Variants in USH2A observed in about 807,000 individuals in gnomAD.
USH2A encodes the protein Usher syndrome 2A (autosomal recessive, mild).
Under a neutral mutation model 538.9 loss-of-function variants are expected in USH2A, and 443 were observed. That is an observed-to-expected ratio of 0.82 (90% CI 0.76 to 0.89). The LOEUF (loss-of-function observed/expected upper bound fraction) is 0.89. Among genes scored for constraint, USH2A ranks in the 40% least tolerant of loss-of-function variants. The probability of loss-of-function intolerance (pLI) is 0.00; values close to 1 mark genes in which losing one functional copy is unlikely to be tolerated. For synonymous variants in USH2A, 2,413 were observed against 2,273.5 expected, an observed-to-expected ratio of 1.06 and a Z score of -1.75; for missense variants, 6,633 against 6,324.8, an observed-to-expected ratio of 1.05 and a Z score of -1.65.
At position 216,394,561 on chromosome 1, in the gene USH2A, G is replaced by A. The variant is rs542208659; in HGVS notation, c.651+23953C>T. On this transcript the variant is annotated intron_variant, in intron 3 of 71. Coordinates refer to ENST00000307340, the MANE Select transcript of USH2A (RefSeq NM_206933.4). ...TGTATATGTATTTGAAAGACAAAAAGCATTATACAATATGTGATTATGATT... is the reference window on the plus strand; with the variant it reads ...TGTATATGTATTTGAAAGACAAAAAACATTATACAATATGTGATTATGATT... Among the ~76,000 whole-genome samples, 17 of 152,076 alleles carry A rather than the reference G, an allele frequency of 1.1e-4. 1 individual carries two copies. In the South Asian group the frequency reaches 3.3e-3, roughly 30 times the overall value.
chr1:216,253,032 A>G (rs1159069317), intron 11 of USH2A, among the ~76,000 whole-genome samples: 1 of 152,234 alleles, frequency 6.6e-6, no homozygotes, highest in African/African-American at 2.4e-5. Flanking sequence ...GTTTCCGTCA[A>G]AGAATAATCT....
At chr1:215,637,902 G>T (rs1396762419) in intron 69 of USH2A, among the ~76,000 whole-genome samples, 1 of 151,698 alleles carries the variant, frequency 6.6e-6, no homozygotes, top group South Asian at 2.1e-4. Flanking sequence ...TATCAATCCC[G>T]AATCTGTTTT....
rs1455302915 is a variant in USH2A at position 215,650,666 on chromosome 1, C to A, written c.14269G>T (p.Ala4757Ser). The change falls in exon 65 of 72, where the codon GCC (alanine) becomes TCC (serine). Residue 4757 changes from alanine to serine, a missense_variant. Ala to Ser is a moderately conservative substitution (Grantham distance 99, BLOSUM62 1). Transcript: ENST00000307340. The stretch of plus-strand genomic sequence containing the variant: ...ACGATCCCGTTGGGCTTCCCAGGGG[C>A]ACTGATGTTGACCACTGCTTGGGTA... The part of the protein sequence containing the change: ...SSTQAVVNIS[A>S]PGKPNGIVSL... The A allele has an allele frequency of 3.1e-6, 5 of 1,614,084 alleles. No homozygotes were observed. Among genetic ancestry groups the A allele is most frequent in the Non-Finnish European group, 4.2e-6 (5 of 1,180,032 alleles).
chr1:215,663,432 A>G (rs1482102605), intron 64 of USH2A, among the ~76,000 whole-genome samples: 1 of 152,206 alleles, frequency 6.6e-6, no homozygotes, highest in Non-Finnish European at 1.5e-5. Flanking sequence ...TTCATTTGGA[A>G]AACAGGAAGG....
chr1:216,285,684 C>A (rs532176947), intron 11 of USH2A, among the ~76,000 whole-genome samples: 1 of 152,316 alleles, frequency 6.6e-6, no homozygotes, highest in African/African-American at 2.4e-5. Context: ...ACACTCAATG[C>A]CAGCCTGTGA....
At chr1:216,083,004 G>C (rs1467779054) in intron 26 of USH2A, among the ~76,000 whole-genome samples, 1 of 152,004 alleles carries the variant, frequency 6.6e-6, no homozygotes, top group African/African-American at 2.4e-5. Context: ...AACAAGATAG[G>C]AAAGACTTTA....
At chr1:215,759,917 C>T in intron 56 of USH2A, 74 bp from the exon 57 acceptor site, 10 of 1,555,636 alleles carry the variant, frequency 6.4e-6, no homozygotes, top group Non-Finnish European at 8.9e-6. Flanking sequence ...CACCATCCCC[C>T]CCATGAACTG....
chr1:216,165,691 T>TA (rs1350634220), intron 21 of USH2A, among the ~76,000 whole-genome samples: 3 of 152,278 alleles, frequency 2.0e-5, no homozygotes, highest in Admixed American at 1.3e-4. Context: ...ATTTAGTTAA[T>TA]AAATATTTAT....
At chr1:215,871,774 A>G (rs1664628174) in intron 43 of USH2A, among the ~76,000 whole-genome samples, 2 of 152,216 alleles carry the variant, frequency 1.3e-5, no homozygotes, top group Admixed American at 6.5e-5. Context: ...CAGATGAAGC[A>G]TCTAATTTAA....
intron 38 of USH2A, among the ~76,000 whole-genome samples, chr1:215,925,126 T>A (rs1202355741): frequency 6.6e-6 from 1 of 152,062 alleles, no homozygotes; most frequent in Admixed American, 6.6e-5. Flanking sequence ...AACATATACC[T>A]CTTCATACAT....
chr1:216,207,216 T>G (rs1191229948), intron 16 of USH2A, 57 bp downstream of exon 16: 2 of 1,600,336 alleles, frequency 1.2e-6, no homozygotes, highest in Non-Finnish European at 1.7e-6. Context: ...TCAAAGAACT[T>G]AACTAATGTG....
rs946223414 is a variant in USH2A, at chr1:216,083,329, G to GA, written c.5298+126dup. ...GGACTTCAAAACTAAAAATGACTGGGAAAAAAAATGAACAAATGTGAATTT... is the reference window on the plus strand; with the variant it reads ...GGACTTCAAAACTAAAAATGACTGGGAAAAAAAAATGAACAAATGTGAATTT... On this transcript the variant is annotated intron_variant, in intron 26 of 71. Transcript: ENST00000307340. 1.3e-4 allele frequency: 145 copies of GA among 1,104,502 alleles called. 6 individuals carry two copies. Among genetic ancestry groups the GA allele is most frequent in the Non-Finnish European group, 4.8e-5 (38 of 787,434 alleles). 68.4% of individuals were successfully genotyped at this position (1,104,502 alleles called of 1,614,324 possible). A position where few individuals can be genotyped will look rare whatever the true frequency, so the allele number is the denominator to read the frequency against.
intron 38 of USH2A, among the ~76,000 whole-genome samples, chr1:215,922,092 T>C (rs1302629261): frequency 6.6e-6 from 1 of 152,082 alleles, no homozygotes; most frequent in Non-Finnish European, 1.5e-5. Context: ...TGTAACTGAC[T>C]TGAGGAAACA....
At chr1:216,206,744 G>T (rs1038668475) in intron 16 of USH2A, among the ~76,000 whole-genome samples, 2 of 152,130 alleles carry the variant, frequency 1.3e-5, no homozygotes, top group East Asian at 3.9e-4. Context: ...ATTCTGTTAT[G>T]CCATATACTA....
chr1:216,033,400 A>C (rs1027339272), intron 32 of USH2A, among the ~76,000 whole-genome samples: 1 of 152,230 alleles, frequency 6.6e-6, no homozygotes, highest in Non-Finnish European at 1.5e-5. Context: ...CATGTAAAGA[A>C]CTGGGGAAAG....
In USH2A at chr1:216,232,639, A is replaced by G. The variant is rs115264217; in HGVS notation, c.2810-503T>C. Among the ~76,000 whole-genome samples the G allele has an allele frequency of 8.6e-3, 1,309 of 152,300 alleles. 25 individuals are homozygous for G. The highest frequency in any genetic ancestry group is 0.031 in the African/African-American group (1,271 of 41,558). ...TTAAACTAATTCTGTATTTTACTAA[A>G]ACAAAAGCTTGCATCCTCCACTTCT... On this transcript the variant is annotated intron_variant, in intron 13 of 71. Transcript: ENST00000307340.
Position 215,625,080 on chromosome 1 carries a change from G to GA in USH2A, c.*700_*701insT, listed in dbSNP as rs1558253322. On this transcript the variant is annotated 3_prime_UTR_variant, in exon 72 of 72. Coordinates refer to ENST00000307340, the MANE Select transcript of USH2A (RefSeq NM_206933.4). ...TCTCCTCAAAATGTATAAATAAGCTGTTTACTCCTTAGATTTTTGGAAAAT... is the reference window on the plus strand; with the variant it reads ...TCTCCTCAAAATGTATAAATAAGCTGATTTACTCCTTAGATTTTTGGAAAAT... 1 of 152,246 alleles carries GA rather than the reference G, an allele frequency of 6.6e-6. No individual in the cohort carries two copies. The highest frequency in any genetic ancestry group is 1.5e-5 in the Non-Finnish European group (1 of 68,110). The allele number at this position is 152,246 out of a possible 1,614,324, so 9.4% of individuals were successfully genotyped here.
intron 61 of USH2A, among the ~76,000 whole-genome samples, chr1:215,706,737 A>G (rs906897169): frequency 1.3e-5 from 2 of 152,224 alleles, no homozygotes; most frequent in African/African-American, 2.4e-5. Flanking sequence ...TTGGAATTAA[A>G]TTAAAGCATT....
chr1:216,045,353 G>C (rs2030466173), intron 32 of USH2A, among the ~76,000 whole-genome samples: 1 of 152,102 alleles, frequency 6.6e-6, no homozygotes, highest in Admixed American at 6.6e-5. Context: ...TATTTAGAAA[G>C]TTTTTCAAGA....
Sources: gnomAD v4.1 joint callset for allele counts (sites outside exome capture counted in the v4.1 genomes callset) on GRCh38, gnomAD v4.1.1 for gene constraint, MANE v1.5 for transcripts, NCBI Gene and HGNC (gene_info 2026-07-23, HGNC 2026-07-21) for gene names.